Variants in LARP1 observed in about 807,000 individuals in gnomAD.
LARP1 encodes the protein la-related protein 1.
A neutral mutation model predicts 122.7 loss-of-function variants in LARP1; 36 were observed. The observed-to-expected ratio is 0.29, with a 90% CI of 0.22 to 0.39. The LOEUF is 0.39. LARP1 is among the 10% of genes least tolerant of loss of function. The probability of loss-of-function intolerance (pLI) is 1.00; values close to 1 mark genes in which losing one functional copy is unlikely to be tolerated. For synonymous variants in LARP1, 539 were observed against 528.7 expected, an observed-to-expected ratio of 1.02 and a Z score of -0.27; for missense variants, 1,040 against 1,403.6, an observed-to-expected ratio of 0.74 and a Z score of 4.14.
chr5:154,741,592 G>C (rs1224012815), intron 1 of LARP1, among the ~76,000 whole-genome samples: 1 of 152,132 alleles, frequency 6.6e-6, no homozygotes, highest in Non-Finnish European at 1.5e-5. Context: ...TGGGTGGGGG[G>C]AGTGGGAATG....
chr5:154,789,721 A>G (rs1016589783), intron 1 of LARP1, among the ~76,000 whole-genome samples: 1 of 152,222 alleles, frequency 6.6e-6, no homozygotes, highest in African/African-American at 2.4e-5. Flanking sequence ...TTGTATCATT[A>G]GGATAAATTC....
Position 154,799,902 on chromosome 5 carries a change from A to G in LARP1, c.1576A>G (p.Thr526Ala). The change falls in exon 10 of 19, where the codon ACC (threonine) becomes GCC (alanine). Residue 526 changes from threonine to alanine, a missense_variant. By Grantham distance (58) the Thr-to-Ala change is moderately conservative. This residue lies in a region of LARP1 where 362 missense variants were observed against 533.1 expected (regional missense o/e 0.68). Coordinates refer to ENST00000518297, the MANE Select transcript of LARP1 (RefSeq NM_033551.3). ...GGCACCTGGCTCTCCTCGTGCAGTCACCCCAGTGCCAACCAAAACAGAGGA... is the reference window on the plus strand; with the variant it reads ...GGCACCTGGCTCTCCTCGTGCAGTCGCCCCAGTGCCAACCAAAACAGAGGA... ...ESAPGSPRAVTPVPTKTEEVS... is the reference protein window; with the variant it reads ...ESAPGSPRAVAPVPTKTEEVS... 6.2e-7 allele frequency: 1 copy of G among 1,614,008 alleles called. No individual in the cohort carries two copies. The highest frequency in any genetic ancestry group is 8.5e-7 in the Non-Finnish European group (1 of 1,179,978).
chr5:154,760,432 A>G (rs1473285146), intron 1 of LARP1, among the ~76,000 whole-genome samples: 1 of 152,176 alleles, frequency 6.6e-6, no homozygotes, highest in African/African-American at 2.4e-5. Context: ...ACCAAAGTAG[A>G]GCTTTATATA....
At chr5:154,794,949 C>G (rs897404966) in intron 7 of LARP1, among the ~76,000 whole-genome samples, 2 of 152,148 alleles carry the variant, frequency 1.3e-5, no homozygotes, top group African/African-American at 2.4e-5. Context: ...ACAGGCATGT[C>G]GAGGGGCTTA....
chr5:154,748,060 CGCTT>C (rs1753297737), intron 1 of LARP1, among the ~76,000 whole-genome samples: 1 of 152,144 alleles, frequency 6.6e-6, no homozygotes, highest in African/African-American at 2.4e-5. Flanking sequence ...ATATTGGCCA[CGCTT>C]GTCCTGAACT....
intron 1 of LARP1, among the ~76,000 whole-genome samples, chr5:154,779,401 C>T (rs1756213889): frequency 6.6e-6 from 1 of 152,082 alleles, no homozygotes; most frequent in South Asian, 2.1e-4. Flanking sequence ...ACTCCAAAGT[C>T]CACGCTGTTA....
At chr5:154,713,069 G>T in exon 1 of LARP1, 1 of 1,614,168 alleles carries the variant, frequency 6.2e-7, no homozygotes, top group Non-Finnish European at 8.5e-7. Flanking sequence ...CGAGGAAGGA[G>T]CCCACAGGTG....
intron 3 of LARP1, chr5:154,792,146 T>C (rs1423492567): frequency 8.7e-6 from 3 of 344,952 alleles, no homozygotes; most frequent in Admixed American, 3.4e-5. Flanking sequence ...TAAAATTCTC[T>C]TGGGGCCTAG....
At chr5:154,710,366 C>A (rs1029913735), upstream of LARP1, among the ~76,000 whole-genome samples, 4 of 152,114 alleles carry the variant, frequency 2.6e-5, no homozygotes, top group East Asian at 5.8e-4. Context: ...AATCCCAGTA[C>A]TTTGGAAGGC....
chr5:154,699,437 T>C (rs1333619442), intron 1 of LARP1, among the ~76,000 whole-genome samples: 1 of 151,974 alleles, frequency 6.6e-6, no homozygotes, highest in African/African-American at 2.4e-5. Flanking sequence ...AGAGGATGGC[T>C]TGAAGCCAGC....
At chr5:154,787,773 C>T (rs1215353945) in intron 1 of LARP1, among the ~76,000 whole-genome samples, 1 of 152,118 alleles carries the variant, frequency 6.6e-6, no homozygotes, top group African/African-American at 2.4e-5. Flanking sequence ...TCAACAAACT[C>T]ACACAGGACT....
chr5:154,738,547 G>A (rs1582245910), intron 1 of LARP1, among the ~76,000 whole-genome samples: 2 of 152,080 alleles, frequency 1.3e-5, no homozygotes, highest in African/African-American at 4.8e-5. Context: ...AGCCGAGATC[G>A]GGCCACCGCA....
At chr5:154,687,055 G>A (rs935531044) in intron 1 of LARP1, among the ~76,000 whole-genome samples, 1 of 152,224 alleles carries the variant, frequency 6.6e-6, no homozygotes, top group African/African-American at 2.4e-5. Context: ...AAGAGGCAGG[G>A]GTGGGTCTGG....
At chr5:154,800,671 T>C (rs1758277561) in intron 10 of LARP1, among the ~76,000 whole-genome samples, 1 of 152,192 alleles carries the variant, frequency 6.6e-6, no homozygotes, top group Non-Finnish European at 1.5e-5. Flanking sequence ...CTAACTAAAA[T>C]TACTACTTCC....
rs1013298236 is a variant in LARP1, at chr5:154,802,537, A to T, written c.2109+138A>T. ...CAGGATTTTTATATATGGGAAGGGGATGATGACTGACATCTAGCTTGGGCA... is the reference window on the plus strand; with the variant it reads ...CAGGATTTTTATATATGGGAAGGGGTTGATGACTGACATCTAGCTTGGGCA... On this transcript the variant is annotated intron_variant, in intron 11 of 18. Transcript: ENST00000518297. The surrounding 1 kb of genome is among the most constrained non-coding windows in gnomAD (Gnocchi z 5.1). 4.8e-6 allele frequency: 5 copies of T among 1,051,396 alleles called. No homozygotes were observed. In the African/African-American group the frequency reaches 6.4e-5, roughly 14 times the overall value. 65.1% of individuals were successfully genotyped at this position (1,051,396 alleles called of 1,614,324 possible). A position where few individuals can be genotyped will look rare whatever the true frequency, so the allele number is the denominator to read the frequency against.
intron 1 of LARP1, among the ~76,000 whole-genome samples, chr5:154,788,906 CAAG>C (rs1193693374): frequency 6.6e-6 from 1 of 152,106 alleles, no homozygotes; most frequent in African/African-American, 2.4e-5. Flanking sequence ...TTTTGTTTTA[CAAG>C]AAGGATTTTT....
chr5:154,737,602 G>A (rs1439045766), intron 1 of LARP1, among the ~76,000 whole-genome samples: 2 of 150,702 alleles, frequency 1.3e-5, no homozygotes, highest in Admixed American at 6.6e-5. Flanking sequence ...CCACCACGCC[G>A]GCTAATTTTT....
At chr5:154,708,811 A>G (rs897441066), upstream of LARP1, among the ~76,000 whole-genome samples, 2 of 152,108 alleles carry the variant, frequency 1.3e-5, no homozygotes, top group Admixed American at 1.3e-4. Flanking sequence ...GGGCTTCCCC[A>G]TGTTGGCCAG....
At chr5:154,757,004 C>G (rs1274774176) in intron 1 of LARP1, among the ~76,000 whole-genome samples, 3 of 148,642 alleles carry the variant, frequency 2.0e-5, no homozygotes, top group Non-Finnish European at 4.5e-5. Context: ...CAGTTGGGCG[C>G]CATGCGCCGC....
Sources: gnomAD v4.1 joint callset for allele counts (sites outside exome capture counted in the v4.1 genomes callset) on GRCh38, gnomAD v4.1.1 for gene constraint, gnomAD v4.1.1 regional missense constraint, Gnocchi (gnomAD v3.1) non-coding constraint, MANE v1.5 for transcripts, NCBI Gene and HGNC (gene_info 2026-07-23, HGNC 2026-07-21) for gene names.